The following RNF150 variants were observed in gnomAD, a reference collection of about 807,000 sequenced individuals.
The protein encoded by RNF150 is ring finger protein 150.
RNF150 carries 24 observed loss-of-function variants against 39.3 expected under a neutral mutation model. The observed-to-expected ratio is 0.61, with a 90% CI of 0.44 to 0.86. The LOEUF is 0.86. Ranked by LOEUF, RNF150 falls within the 40% of genes least tolerant of loss-of-function variation. The pLI is 0.00. For missense variants in RNF150, 502 were observed against 587.8 expected (o/e 0.85, Z 1.51); for synonymous variants, 255 against 227.3 (o/e 1.12, Z -1.10).
At chr4:141,186,299 T>G (rs1183485852) in intron 1 of RNF150, among the ~76,000 whole-genome samples, 6 of 152,198 alleles carry the variant, frequency 3.9e-5, no homozygotes, top group Non-Finnish European at 2.9e-5. Flanking sequence ...TTCTTCTAGA[T>G]TTTCTAGATT....
intron 6 of RNF150, among the ~76,000 whole-genome samples, chr4:140,897,007 T>C (rs899246451): frequency 6.6e-6 from 1 of 152,106 alleles, no homozygotes; most frequent in African/African-American, 2.4e-5. Flanking sequence ...TTTTCTATCA[T>C]TGTATTTTGG....
At chr4:141,092,020 G>C (rs536851480) in intron 1 of RNF150, among the ~76,000 whole-genome samples, 1 of 152,242 alleles carries the variant, frequency 6.6e-6, no homozygotes, top group South Asian at 2.1e-4. Context: ...TCATTATACT[G>C]ACTTAAGTCA....
intron 1 of RNF150, among the ~76,000 whole-genome samples, chr4:141,040,050 T>C (rs1245453198): frequency 6.6e-6 from 1 of 152,164 alleles, no homozygotes; most frequent in Non-Finnish European, 1.5e-5. Flanking sequence ...TTCTCCATGC[T>C]ATCTTCCTTA....
intron 1 of RNF150, among the ~76,000 whole-genome samples, chr4:141,027,926 GTT>G (rs61543533): frequency 1.2e-4 from 8 of 69,124 alleles, no homozygotes; most frequent in Admixed American, 6.6e-4. Context: ...TTTTTTTTTT[GTT>G]TTTTTTTTTT....
At chr4:141,140,069 G>C (rs1322902885) in intron 1 of RNF150, among the ~76,000 whole-genome samples, 2 of 152,180 alleles carry the variant, frequency 1.3e-5, no homozygotes, top group Non-Finnish European at 2.9e-5. Context: ...GGTACTTGCT[G>C]TACGGGCAAG....
intron 6 of RNF150, among the ~76,000 whole-genome samples, chr4:140,903,048 G>T (rs1236568840): frequency 1.3e-5 from 2 of 152,144 alleles, no homozygotes. Flanking sequence ...AGTGAGACTT[G>T]GAAAGGTGCT....
intron 2 of RNF150, 24 bp from the exon 3 acceptor site, chr4:140,949,396 TAA>T: frequency 6.2e-7 from 1 of 1,604,040 alleles, no homozygotes; most frequent in Non-Finnish European, 8.5e-7. Context: ...ACGTGCTTGT[TAA>T]TAATAAAGAT....
At chr4:140,977,338 A>G (rs1733700831) in intron 1 of RNF150, among the ~76,000 whole-genome samples, 2 of 152,162 alleles carry the variant, frequency 1.3e-5, no homozygotes. Context: ...GGCAGGGCAC[A>G]TAAGAATTTT....
chr4:140,994,492 A>T (rs1734297853), intron 1 of RNF150, among the ~76,000 whole-genome samples: 1 of 152,198 alleles, frequency 6.6e-6, no homozygotes, highest in African/African-American at 2.4e-5. Flanking sequence ...ACACACACAC[A>T]CACACACCAC....
At chr4:141,159,010 G>A (rs1201004983) in intron 1 of RNF150, among the ~76,000 whole-genome samples, 1 of 152,156 alleles carries the variant, frequency 6.6e-6, no homozygotes, top group African/African-American at 2.4e-5. Flanking sequence ...ATAAAAGAAA[G>A]TGTTTCTCAG....
chr4:141,055,598 G>T (rs1038363208), intron 1 of RNF150, among the ~76,000 whole-genome samples: 2 of 152,092 alleles, frequency 1.3e-5, no homozygotes, highest in Non-Finnish European at 2.9e-5. Context: ...GTTAAAGACA[G>T]ACTTAATAAA....
intron 4 of RNF150, among the ~76,000 whole-genome samples, chr4:140,930,695 A>G (rs890185): frequency 0.98 from 149,627 of 152,308 alleles, 73,561 homozygotes; most frequent in East Asian, 1. Context: ...TGTCACTTCA[A>G]TGGCATCGAA....
intron 1 of RNF150, among the ~76,000 whole-genome samples, chr4:140,996,476 T>C (rs771762027): frequency 6.6e-6 from 1 of 152,190 alleles, no homozygotes; most frequent in African/African-American, 2.4e-5. Context: ...TTAACACTGG[T>C]TTAAAGTCTT....
chr4:140,933,237 G>C (rs1046677355), intron 4 of RNF150, among the ~76,000 whole-genome samples: 10 of 152,190 alleles, frequency 6.6e-5, no homozygotes, highest in African/African-American at 2.2e-4. Flanking sequence ...ATGGGATACG[G>C]TAAGGCCTTT....
chr4:140,939,015 G>T (rs1165609413), intron 4 of RNF150, among the ~76,000 whole-genome samples: 1 of 152,132 alleles, frequency 6.6e-6, no homozygotes, highest in East Asian at 1.9e-4. Flanking sequence ...AAAACTAGTA[G>T]ACCATATTTG....
chr4:140,887,421 AT>A (rs1729617786), intron 6 of RNF150, among the ~76,000 whole-genome samples: 1 of 152,228 alleles, frequency 6.6e-6, no homozygotes, highest in Non-Finnish European at 1.5e-5. Flanking sequence ...TTTACTGAGA[AT>A]ATGTTTTATT....
At chr4:141,073,675 T>G (rs1737790137) in intron 1 of RNF150, among the ~76,000 whole-genome samples, 2 of 150,896 alleles carry the variant, frequency 1.3e-5, no homozygotes, top group South Asian at 2.1e-4. Context: ...GGGGGGGAAG[T>G]CTAGGGAAAA....
intron 1 of RNF150, among the ~76,000 whole-genome samples, chr4:140,981,200 G>A (rs1231525006): frequency 6.6e-6 from 1 of 152,096 alleles, no homozygotes; most frequent in African/African-American, 2.4e-5. Context: ...TACAGGTTGA[G>A]TATCCTTATT....
chr4:141,040,459 G>A (rs1459354040), intron 1 of RNF150, among the ~76,000 whole-genome samples: 3 of 152,150 alleles, frequency 2.0e-5, no homozygotes, highest in African/African-American at 7.2e-5. Flanking sequence ...ATTCCTTGGA[G>A]ATGGAAATAA....
Sources: gnomAD v4.1 joint callset for allele counts (sites outside exome capture counted in the v4.1 genomes callset) on GRCh38, gnomAD v4.1.1 for gene constraint, MANE v1.5 for transcripts, NCBI Gene and HGNC (gene_info 2026-07-23, HGNC 2026-07-21) for gene names.